The following TRAPPC8 variants were observed in gnomAD, a reference collection of about 807,000 sequenced individuals.
The protein encoded by TRAPPC8 is trafficking protein particle complex subunit 8.
In TRAPPC8, 54 loss-of-function variants were observed where a neutral mutation model predicts 174.3. The observed-to-expected ratio is 0.31, with a 90% CI of 0.25 to 0.39. The LOEUF is 0.39. Ranked by LOEUF, TRAPPC8 falls within the 10% of genes least tolerant of loss-of-function variation. The pLI is 1.00. For synonymous variants in TRAPPC8, 630 were observed against 579.9 expected, an observed-to-expected ratio of 1.09 and a Z score of -1.24; for missense variants, 1,531 against 1,699.1, an observed-to-expected ratio of 0.90 and a Z score of 1.74.
At position 31,830,831 on chromosome 18, in the gene TRAPPC8, A is replaced by G. The variant is rs2032317520; in HGVS notation, c.4232T>C (p.Leu1411Ser). ...TTCAAACACTGTAACTTGGTCCGATAACTTGGCAAATACCCTAGGAGTTCC... is the reference window on the plus strand; with the variant it reads ...TTCAAACACTGTAACTTGGTCCGATGACTTGGCAAATACCCTAGGAGTTCC... Reference protein sequence around the residue: ...NLGTPRVFAKLSDQVTVFETS... With the variant: ...NLGTPRVFAKSSDQVTVFETS... The change falls in exon 29 of 29, where the codon TTA becomes TCA. Residue 1411 changes from leucine (L) to serine (S), a missense_variant. Physicochemically the swap from Leu to Ser is moderately radical, Grantham distance 145 (BLOSUM62 -2). Coordinates refer to ENST00000283351, the MANE Select transcript of TRAPPC8 (RefSeq NM_014939.5). 6.2e-7 allele frequency: 1 copy of G among 1,614,194 alleles called. No homozygotes were observed. The highest frequency in any genetic ancestry group is 1.7e-5 in the Admixed American group (1 of 60,020).
In TRAPPC8 at chr18:31,837,227, G is replaced by C. The variant is rs1258084378; in HGVS notation, c.3983+2085C>G. Among the ~76,000 whole-genome samples, 3 of 152,086 alleles carry C rather than the reference G, an allele frequency of 2.0e-5. No individual in the cohort carries two copies. The South Asian group carries it at 6.2e-4, about 32-fold the overall frequency. On this transcript the variant is annotated intron_variant, in intron 27 of 28. Transcript: ENST00000283351. ...ATAAAATTTTTTAAAGATCCAACAA[G>C]AGTTAAGTGCTGGTGAAGGTATCAA...
intron 5 of TRAPPC8, among the ~76,000 whole-genome samples, chr18:31,911,697 C>T (rs563489278): frequency 7.2e-6 from 1 of 138,328 alleles, no homozygotes; most frequent in Non-Finnish European, 1.5e-5. Context: ...CGAGATCATG[C>T]AGTGAGCCGA....
In TRAPPC8 at chr18:31,871,105, G is replaced by C; in HGVS notation, c.2078C>G (p.Ala693Gly). 1 of 1,548,432 alleles carries C rather than the reference G, an allele frequency of 6.5e-7. No homozygotes were observed. The highest frequency in any genetic ancestry group is 8.8e-7 in the Non-Finnish European group (1 of 1,142,356). Residue 693 changes from alanine (A) to glycine (G), a missense_variant, in exon 15 of 29, where the codon GCT becomes GGT. Physicochemically the swap from Ala to Gly is moderately conservative, Grantham distance 60. Coordinates refer to ENST00000283351, the MANE Select transcript of TRAPPC8 (RefSeq NM_014939.5). ...TTCTTGATCAAGACTTACATGAGTAGCTGCTTGTTTTTCACCTAAAAAAAA... is the reference window on the plus strand; with the variant it reads ...TTCTTGATCAAGACTTACATGAGTACCTGCTTGTTTTTCACCTAAAAAAAA... ...RRPADGEKQA[A>G]THVSLDQEYD...
intron 1 of TRAPPC8, among the ~76,000 whole-genome samples, chr18:31,940,979 C>T (rs1403182616): frequency 6.6e-6 from 1 of 152,162 alleles, no homozygotes; most frequent in African/African-American, 2.4e-5. Flanking sequence ...ATTAACACTT[C>T]TATGCTTCAA....
chr18:31,874,301 C>A (rs2035033433), intron 13 of TRAPPC8, 179 bp downstream of exon 13: 1 of 567,670 alleles, frequency 1.8e-6, no homozygotes, highest in Non-Finnish European at 3.1e-6. Flanking sequence ...TTTTCAAGAA[C>A]TGTGGAAGGG....
chr18:31,859,127 T>C (rs1385059034), intron 19 of TRAPPC8, among the ~76,000 whole-genome samples: 5 of 151,968 alleles, frequency 3.3e-5, no homozygotes, highest in Non-Finnish European at 7.4e-5. Context: ...AAAAAACAGA[T>C]ATTTAAATGT....
rs768564273 is a variant in TRAPPC8 at position 31,864,645 on chromosome 18, T to C, written c.2727A>G (p.Glu909=). The change falls in exon 19 of 29, where the codon GAA becomes GAG. Residue 909 remains glutamate (E), a synonymous_variant. Transcript: ENST00000283351. ...PDRRLDPIIT[E]EMPLLEVFFI... ...GAAATACCTCCAACAGTGGCATTTC[T>C]TCTGTGATTATGGGATCTAAACGTC... 1.2e-6 allele frequency: 2 copies of C among 1,612,266 alleles called. No individual in the cohort carries two copies. The highest frequency in any genetic ancestry group is 1.1e-5 in the South Asian group (1 of 90,576).
chr18:31,849,745 A>G lies in TRAPPC8; in HGVS notation c.3562-6T>C, dbSNP rs200538091. On this transcript the variant is annotated splice_polypyrimidine_tract_variant and splice_region_variant and intron_variant, in intron 24 of 28. Coordinates refer to ENST00000283351, the MANE Select transcript of TRAPPC8 (RefSeq NM_014939.5). Reference sequence around the variant, plus strand: ...GGGCTTGCTGAACTTATTATCTGTTAAAAGAAAATCACTTGTGTTCATAAA... The same window carrying G: ...GGGCTTGCTGAACTTATTATCTGTTGAAAGAAAATCACTTGTGTTCATAAA... The G allele has an allele frequency of 8.2e-6, 13 of 1,578,752 alleles. No individual in the cohort carries two copies. The Admixed American group carries it at 2.5e-4, about 31-fold the overall frequency.
chr18:31,925,240 GA>G (rs1046067069), intron 2 of TRAPPC8, among the ~76,000 whole-genome samples: 45 of 146,082 alleles, frequency 3.1e-4, no homozygotes, highest in African/African-American at 9.6e-4. Context: ...TAATACGAAT[GA>G]AAAAAAAAGG....
chr18:31,847,507 A>T (rs1026668012), intron 25 of TRAPPC8, among the ~76,000 whole-genome samples: 2 of 152,208 alleles, frequency 1.3e-5, no homozygotes, highest in Admixed American at 1.3e-4. Flanking sequence ...TAGGTTCAAA[A>T]AACATAAAAT....
intron 16 of TRAPPC8, among the ~76,000 whole-genome samples, chr18:31,868,714 T>C (rs1392436172): frequency 6.6e-6 from 1 of 152,108 alleles, no homozygotes; most frequent in Non-Finnish European, 1.5e-5. Context: ...GTTTTGTGGT[T>C]TTTTTTGAGA....
intron 2 of TRAPPC8, among the ~76,000 whole-genome samples, chr18:31,919,477 G>A (rs527332281): frequency 6.6e-6 from 1 of 151,374 alleles, no homozygotes; most frequent in South Asian, 2.1e-4. Flanking sequence ...AGGTTGCTGT[G>A]AGCTGAGATG....
At chr18:31,936,058 A>G (rs2144302243) in intron 1 of TRAPPC8, among the ~76,000 whole-genome samples, 1 of 152,114 alleles carries the variant, frequency 6.6e-6, no homozygotes, top group South Asian at 2.1e-4. Context: ...CTCTATAAAA[A>G]AATTTTTTTT....
chr18:31,939,278 G>A (rs1038803150), intron 1 of TRAPPC8: 1 of 152,046 alleles, frequency 6.6e-6, no homozygotes, highest in Admixed American at 6.6e-5. Context: ...TGTAAAACTT[G>A]TATCTACTTA....
chr18:31,863,337 A>G (rs536888046), intron 19 of TRAPPC8, among the ~76,000 whole-genome samples: 3 of 152,316 alleles, frequency 2.0e-5, no homozygotes, highest in East Asian at 1.9e-4. Context: ...TAAAATTTAT[A>G]TATCTCTCCA....
chr18:31,898,536 A>C (rs1189064687), intron 10 of TRAPPC8, among the ~76,000 whole-genome samples: 1 of 152,166 alleles, frequency 6.6e-6, no homozygotes, highest in Non-Finnish European at 1.5e-5. Context: ...GTCACACATT[A>C]TTTCTTTCTC....
At chr18:31,882,366 T>C (rs532820842) in intron 12 of TRAPPC8, among the ~76,000 whole-genome samples, 2 of 152,038 alleles carry the variant, frequency 1.3e-5, no homozygotes, top group East Asian at 1.9e-4. Context: ...GAGAATCAAA[T>C]AGGCATGCTC....
At position 31,860,498 on chromosome 18, in the gene TRAPPC8, C is replaced by A. The variant is rs10048319; in HGVS notation, c.2746-2516G>T. ...ATCTTCTCTCAATGAGCTACAGTAA[C>A]TTTCATTCTCACCCTTGTTTGATAA... is the stretch of plus-strand genomic sequence containing the variant. On this transcript the variant is annotated intron_variant, in intron 19 of 28. Coordinates refer to ENST00000283351, the MANE Select transcript of TRAPPC8 (RefSeq NM_014939.5). 4.6e-3 allele frequency among the ~76,000 whole-genome samples: 698 copies of A among 152,264 alleles called. 3 individuals carry two copies. Among genetic ancestry groups the A allele is most frequent in the Non-Finnish European group, 7.9e-3 (537 of 68,012 alleles).
intron 16 of TRAPPC8, among the ~76,000 whole-genome samples, chr18:31,867,835 C>A (rs559834562): frequency 3.3e-5 from 5 of 151,916 alleles, no homozygotes; most frequent in African/African-American, 1.2e-4. Flanking sequence ...GTCAAGATGG[C>A]GCCACTGCAC....
Sources: allele counts gnomAD v4.1 joint callset (sites outside exome capture counted in the v4.1 genomes callset), GRCh38; gene constraint gnomAD v4.1.1; transcripts MANE v1.5; gene names NCBI Gene and HGNC (gene_info 2026-07-23, HGNC 2026-07-21).